CALN1: variants seen among roughly 807,000 people sequenced by gnomAD.
CALN1 encodes the protein calcium-binding protein 8.
CALN1 carries 17 observed loss-of-function variants against 30.6 expected under a neutral mutation model. The observed-to-expected ratio is 0.56, with a 90% confidence interval of 0.38 to 0.83. The LOEUF is 0.83. Among genes scored for constraint, CALN1 ranks in the 40% least tolerant of loss-of-function variants. The pLI, the probability that CALN1 is intolerant of heterozygous loss-of-function variation, is 0.00. For missense variants in CALN1, 291 were observed against 354.9 expected, an observed-to-expected ratio of 0.82 and a Z score of 1.45; for synonymous variants, 156 against 131.4, an observed-to-expected ratio of 1.19 and a Z score of -1.28.
chr7:72,286,938 G>T (rs939931345), intron 2 of CALN1, among the ~76,000 whole-genome samples: 1 of 152,136 alleles, frequency 6.6e-6, no homozygotes, highest in Non-Finnish European at 1.5e-5. Flanking sequence ...GAGAAGAAGA[G>T]ATATCAAGAC....
chr7:71,810,609 A>T (rs140167931), intron 5 of CALN1, 117 bp from the exon 6 acceptor site: 15 of 960,162 alleles, frequency 1.6e-5, no homozygotes, highest in Non-Finnish European at 2.0e-5. Flanking sequence ...GCGTTTCAGG[A>T]TATCAGGTGA....
chr7:72,071,282 G>C (rs118039072), intron 4 of CALN1, among the ~76,000 whole-genome samples: 52 of 152,274 alleles, frequency 3.4e-4, no homozygotes, highest in Non-Finnish European at 5.7e-4. Context: ...GCTCTGACCA[G>C]AGAGGTGCAG....
intron 4 of CALN1, among the ~76,000 whole-genome samples, chr7:72,050,177 T>G (rs1802747909): frequency 6.6e-6 from 1 of 152,168 alleles, no homozygotes; most frequent in Non-Finnish European, 1.5e-5. Flanking sequence ...GTTCAGATAT[T>G]AGGTGACCTC....
chr7:72,278,536 C>T (rs1380378758), intron 3 of CALN1, 150 bp downstream of exon 3: 2 of 1,036,112 alleles, frequency 1.9e-6, no homozygotes, highest in Non-Finnish European at 1.4e-6. Flanking sequence ...AAAACTTTGT[C>T]TCTGAACTCT....
chr7:71,834,410 G>C (rs539987997), intron 5 of CALN1, among the ~76,000 whole-genome samples: 63 of 148,162 alleles, frequency 4.3e-4, no homozygotes, highest in African/African-American at 1.5e-3. Flanking sequence ...CAGGCTGAGT[G>C]AAGAGTAGAA....
intron 3 of CALN1, among the ~76,000 whole-genome samples, chr7:72,145,298 G>A (rs890996802): frequency 5.3e-5 from 8 of 152,062 alleles, no homozygotes; most frequent in East Asian, 1.9e-4. Context: ...TATCACCACC[G>A]ATCCCACAGA....
chr7:72,235,275 A>AAAAT (rs151162451), intron 3 of CALN1, among the ~76,000 whole-genome samples: 6,491 of 151,624 alleles, frequency 0.043, 301 homozygotes, highest in African/African-American at 0.12. Context: ...CTCTGTCTCA[A>AAAAT]AAATAAATAA....
chr7:72,119,924 A>G (rs1026725289), intron 3 of CALN1, among the ~76,000 whole-genome samples: 4 of 152,104 alleles, frequency 2.6e-5, no homozygotes, highest in African/African-American at 9.7e-5. Flanking sequence ...GATATGCTAC[A>G]TTTTCCAGAT....
chr7:72,303,790 C>T (rs1410900679), intron 2 of CALN1, among the ~76,000 whole-genome samples: 1 of 151,994 alleles, frequency 6.6e-6, no homozygotes, highest in Non-Finnish European at 1.5e-5. Flanking sequence ...CAGGAGGATC[C>T]CTTGAGCCCA....
intron 2 of CALN1, among the ~76,000 whole-genome samples, chr7:72,316,149 A>G (rs1800429275): frequency 1.2e-5 from 1 of 80,534 alleles, no homozygotes; most frequent in Non-Finnish European, 3.1e-5. Context: ...TGTCTTTAAA[A>G]AAAAAGAAAG....
chr7:71,795,911 C>T (rs1368120083), intron 6 of CALN1, among the ~76,000 whole-genome samples: 4 of 150,710 alleles, frequency 2.7e-5, no homozygotes, highest in Non-Finnish European at 3.0e-5. Context: ...CTCCGCCTCC[C>T]GGGTTCACGT....
intron 1 of CALN1, among the ~76,000 whole-genome samples, chr7:72,431,814 C>T (rs1367356535): frequency 7.0e-6 from 1 of 142,694 alleles, no homozygotes; most frequent in Non-Finnish European, 1.5e-5. Context: ...TACACTACTC[C>T]AACTGGGGCA....
intron 3 of CALN1, among the ~76,000 whole-genome samples, chr7:72,160,272 TTC>T (rs1363002934): frequency 8.0e-6 from 1 of 125,774 alleles, no homozygotes; most frequent in Non-Finnish European, 1.6e-5. Context: ...ACTATTTATT[TTC>T]TTTTTAGTTT....
rs73369888 is a variant in CALN1, at chr7:72,073,378, C to T, written c.388+32773G>A. On this transcript the variant is annotated intron_variant, in intron 4 of 6. Coordinates refer to ENST00000395275, the MANE Select transcript of CALN1 (RefSeq NM_031468.4). ...CTTATTTCCACTGAACTATATACTTCGAAATGGTTACAATGGTAAAATTTA... is the reference window on the plus strand; with the variant it reads ...CTTATTTCCACTGAACTATATACTTTGAAATGGTTACAATGGTAAAATTTA... Among the ~76,000 whole-genome samples the T allele has an allele frequency of 1.0e-2, 1,518 of 152,136 alleles. 17 individuals are homozygous for T. Among genetic ancestry groups the T allele is most frequent in the African/African-American group, 0.032 (1,332 of 41,492 alleles).
chr7:72,403,916 T>TAA, intron 1 of CALN1, among the ~76,000 whole-genome samples: 1 of 152,174 alleles, frequency 6.6e-6, no homozygotes, highest in Non-Finnish European at 1.5e-5. Flanking sequence ...CTCCCAAACT[T>TAA]AGTCATGCTG....
chr7:72,135,802 A>G (rs1286485582), intron 3 of CALN1, among the ~76,000 whole-genome samples: 2 of 152,154 alleles, frequency 1.3e-5, no homozygotes, highest in Admixed American at 1.3e-4. Context: ...TCTCCTACCC[A>G]GCTATGAAAG....
chr7:72,140,332 AAG>A (rs1809818828), intron 3 of CALN1, among the ~76,000 whole-genome samples: 1 of 82,562 alleles, frequency 1.2e-5, no homozygotes, highest in Non-Finnish European at 2.3e-5. Context: ...AGAAAGGGAG[AAG>A]GAAGGAAGGG....
chr7:72,397,808 A>C (rs10268284), intron 2 of CALN1, among the ~76,000 whole-genome samples: 42 of 151,372 alleles, frequency 2.8e-4, no homozygotes, highest in African/African-American at 1.0e-3. Context: ...GACTTACTTT[A>C]GAAAAGCTTT....
At position 71,883,770 on chromosome 7, in the gene CALN1, C is replaced by T. The variant is rs79371149; in HGVS notation, c.502-73278G>A. 3.9e-5 allele frequency among the ~76,000 whole-genome samples: 6 copies of T among 152,272 alleles called. No individual in the cohort carries two copies. In the East Asian group the frequency reaches 9.7e-4, roughly 25 times the overall value. On this transcript the variant is annotated intron_variant, in intron 5 of 6. Transcript: ENST00000395275. ...CCATCCCTTCTGAACTGTCCTTTCC[C>T]TGTGGTATATAATCGCTGGGTCTTG...
Sources: allele counts gnomAD v4.1 joint callset (sites outside exome capture counted in the v4.1 genomes callset), GRCh38; gene constraint gnomAD v4.1.1; transcripts MANE v1.5; gene names NCBI Gene and HGNC (gene_info 2026-07-23, HGNC 2026-07-21).